KCNMB2: variants seen among roughly 807,000 people sequenced by gnomAD.
The protein encoded by KCNMB2 is potassium calcium-activated channel subfamily M regulatory beta subunit 2, also known as calcium-activated potassium channel subunit beta-2.
A neutral mutation model predicts 24.5 loss-of-function variants in KCNMB2; 9 were observed. That is an observed-to-expected ratio of 0.37 (90% CI 0.22 to 0.64). The LOEUF (loss-of-function observed/expected upper bound fraction) is 0.64. KCNMB2 is among the 30% of genes least tolerant of loss of function. The pLI is 0.63. For synonymous variants in KCNMB2, 109 were observed against 104.4 expected, an observed-to-expected ratio of 1.04 and a Z score of -0.27; for missense variants, 226 against 284.3, an observed-to-expected ratio of 0.79 and a Z score of 1.47.
At chr3:178,819,459 T>C (rs1315277518) in intron 2 of KCNMB2, among the ~76,000 whole-genome samples, 2 of 152,080 alleles carry the variant, frequency 1.3e-5, no homozygotes, top group African/African-American at 2.4e-5. Context: ...TTCCATCTCT[T>C]GTCCCAGACA....
chr3:178,825,944 T>A (rs1714818095), intron 3 of KCNMB2, among the ~76,000 whole-genome samples, 186 bp downstream of exon 3: 1 of 152,186 alleles, frequency 6.6e-6, no homozygotes, highest in African/African-American at 2.4e-5. Flanking sequence ...CTATGTATAA[T>A]CTGGATACCA....
chr3:178,828,996 T>C (rs912568784), intron 4 of KCNMB2, among the ~76,000 whole-genome samples: 6 of 151,512 alleles, frequency 4.0e-5, no homozygotes, highest in African/African-American at 1.2e-4. Context: ...GTTATATTCA[T>C]AGAGGCTGAA....
At position 178,789,384 on chromosome 3, in the gene KCNMB2, A is replaced by T. The variant is rs143532951; in HGVS notation, c.-67-17959A>T. 3.3e-5 allele frequency among the ~76,000 whole-genome samples: 5 copies of T among 152,326 alleles called. No individual in the cohort carries two copies. In the East Asian group the frequency reaches 9.6e-4, roughly 29 times the overall value. ...CCTCCAGCAATCACCACCACTTCCA[A>T]GCAATAGGAACACTACATGGAAAGA... On this transcript the variant is annotated intron_variant, in intron 1 of 4. Coordinates refer to ENST00000452583, the MANE Select transcript of KCNMB2 (RefSeq NM_181361.3).
intron 1 of KCNMB2, among the ~76,000 whole-genome samples, chr3:178,598,278 A>G (rs994974008): frequency 6.6e-6 from 1 of 152,164 alleles, no homozygotes; most frequent in Non-Finnish European, 1.5e-5. Context: ...GTCAAGAGAT[A>G]GCGACATAGC....
chr3:178,758,054 A>ACG (rs1724234998), intron 1 of KCNMB2, among the ~76,000 whole-genome samples: 1 of 45,280 alleles, frequency 2.2e-5, no homozygotes, highest in Non-Finnish European at 4.0e-5. Context: ...AGATATATAT[A>ACG]TATATCTCCA....
intron 1 of KCNMB2, among the ~76,000 whole-genome samples, chr3:178,625,972 T>C (rs185344646): frequency 1.1e-3 from 173 of 152,280 alleles, no homozygotes; most frequent in African/African-American, 4.1e-3. Flanking sequence ...TACAGTGAAA[T>C]AGGCCTAAAG....
At chr3:178,724,028 A>G (rs1722889905) in intron 1 of KCNMB2, among the ~76,000 whole-genome samples, 1 of 152,176 alleles carries the variant, frequency 6.6e-6, no homozygotes, top group Non-Finnish European at 1.5e-5. Flanking sequence ...ATTGAATGAT[A>G]GTTCTGCTTT....
intron 1 of KCNMB2, among the ~76,000 whole-genome samples, chr3:178,632,434 A>G (rs928468670): frequency 7.2e-5 from 11 of 152,210 alleles, no homozygotes; most frequent in African/African-American, 2.4e-4. Flanking sequence ...GAAACTTACA[A>G]TCGTGGCAGA....
chr3:178,704,017 G>A (rs143974601), intron 1 of KCNMB2, among the ~76,000 whole-genome samples: 5 of 152,248 alleles, frequency 3.3e-5, no homozygotes, highest in Non-Finnish European at 5.9e-5. Flanking sequence ...TAGACCAATT[G>A]ACATCAGAAC....
At chr3:178,718,726 C>T (rs114738584) in intron 1 of KCNMB2, among the ~76,000 whole-genome samples, 1 of 152,280 alleles carries the variant, frequency 6.6e-6, no homozygotes, top group African/African-American at 2.4e-5. Context: ...TTCCACTGCC[C>T]CACACCTTCT....
chr3:178,549,315 T>G (rs1354961929), intron 1 of KCNMB2, among the ~76,000 whole-genome samples: 2 of 150,080 alleles, frequency 1.3e-5, no homozygotes, highest in Admixed American at 1.3e-4. Flanking sequence ...TTTTCTTTTT[T>G]TTTTTTTTTT....
chr3:178,821,742 C>T (rs939234943), intron 2 of KCNMB2, among the ~76,000 whole-genome samples: 3 of 152,200 alleles, frequency 2.0e-5, no homozygotes, highest in African/African-American at 7.2e-5. Context: ...TCCAGTCATC[C>T]ACATCAAGTA....
At chr3:178,538,246 A>G (rs1202323493) in intron 1 of KCNMB2, among the ~76,000 whole-genome samples, 2 of 152,200 alleles carry the variant, frequency 1.3e-5, no homozygotes, top group Non-Finnish European at 2.9e-5. Flanking sequence ...TGACCAGACC[A>G]CATGTCCACG....
At chr3:178,703,516 C>CCA (rs1559981600) in intron 1 of KCNMB2, among the ~76,000 whole-genome samples, 2 of 151,750 alleles carry the variant, frequency 1.3e-5, no homozygotes, top group African/African-American at 4.8e-5. Flanking sequence ...CCCACCCCCC[C>CCA]AAAAAAAGTA....
intron 1 of KCNMB2, among the ~76,000 whole-genome samples, chr3:178,618,538 T>C (rs527957590): frequency 6.6e-6 from 1 of 152,310 alleles, no homozygotes; most frequent in East Asian, 1.9e-4. Context: ...TCTTTCACTC[T>C]CTTTATGCCT....
In KCNMB2 at chr3:178,556,626, T is replaced by C. The variant is rs112735387; in HGVS notation, c.-68+19915T>C. Among the ~76,000 whole-genome samples, 306 of 152,256 alleles carry C rather than the reference T, an allele frequency of 2.0e-3. 4 individuals carry two copies. Among genetic ancestry groups the C allele is most frequent in the African/African-American group, 6.8e-3 (283 of 41,550 alleles). On this transcript the variant is annotated intron_variant, in intron 1 of 4. Transcript: ENST00000452583. ...TTCACCATGTTGGTCAGAGTGGTCT[T>C]GAACTGCTGACCTCGTGATCCACCC...
chr3:178,538,823 T>C (rs1377457832), intron 1 of KCNMB2, among the ~76,000 whole-genome samples: 1 of 152,222 alleles, frequency 6.6e-6, no homozygotes, highest in East Asian at 1.9e-4. Context: ...CCAAGTAATT[T>C]AGTCAAAACA....
intron 1 of KCNMB2, among the ~76,000 whole-genome samples, chr3:178,545,102 T>C (rs908746364): frequency 3.3e-5 from 5 of 152,250 alleles, no homozygotes; most frequent in African/African-American, 1.2e-4. Flanking sequence ...CACCATGGTG[T>C]AGAGAGGGCT....
chr3:178,800,102 A>G (rs976548099), intron 1 of KCNMB2, among the ~76,000 whole-genome samples: 2 of 152,176 alleles, frequency 1.3e-5, no homozygotes, highest in African/African-American at 4.8e-5. Flanking sequence ...GAAGCTCTCC[A>G]GGACATTGGT....
Sources: allele counts gnomAD v4.1 joint callset (sites outside exome capture counted in the v4.1 genomes callset), GRCh38; gene constraint gnomAD v4.1.1; transcripts MANE v1.5; gene names NCBI Gene and HGNC (gene_info 2026-07-23, HGNC 2026-07-21).